Variants in MEMO1 observed in about 807,000 individuals in gnomAD.
MEMO1 encodes mediator of cell motility 1.
In MEMO1, 6 loss-of-function variants were observed where a neutral mutation model predicts 45.2. That is an observed-to-expected ratio of 0.13 (90% CI 0.07 to 0.26). The LOEUF is 0.26. Ranked by LOEUF, MEMO1 falls within the 10% of genes least tolerant of loss-of-function variation. The pLI is 1.00. For synonymous variants in MEMO1, 78 were observed against 124.3 expected (o/e 0.63, Z 2.48); for missense variants, 184 against 370.5 (o/e 0.50, Z 4.13).
chr2:31,974,834 G>A (rs1669814836), intron 2 of MEMO1, among the ~76,000 whole-genome samples: 1 of 152,006 alleles, frequency 6.6e-6, no homozygotes. Context: ...GGGGTACTCT[G>A]CTGATTATTT....
intron 2 of MEMO1, among the ~76,000 whole-genome samples, chr2:32,009,045 G>A (rs1458065228): frequency 6.6e-6 from 1 of 152,168 alleles, no homozygotes; most frequent in Non-Finnish European, 1.5e-5. Context: ...AGGAATCACA[G>A]TAGAACTGTC....
chr2:31,988,938 G>C (rs895924192), intron 2 of MEMO1, among the ~76,000 whole-genome samples: 1 of 151,990 alleles, frequency 6.6e-6, no homozygotes, highest in Non-Finnish European at 1.5e-5. Context: ...CAGGCATGGT[G>C]GCTCACGCCT....
intron 2 of MEMO1, among the ~76,000 whole-genome samples, chr2:32,009,531 G>A (rs908767993): frequency 3.9e-5 from 6 of 152,176 alleles, no homozygotes; most frequent in Non-Finnish European, 7.3e-5. Flanking sequence ...GCAAGACAGC[G>A]GAGCCCCTTA....
chr2:31,968,091 T>C (rs933294752), intron 2 of MEMO1, among the ~76,000 whole-genome samples: 3 of 152,158 alleles, frequency 2.0e-5, no homozygotes, highest in Non-Finnish European at 4.4e-5. Context: ...TCTCAATCTG[T>C]AGGTCAAGAG....
chr2:31,964,048 A>G (rs901916480), intron 2 of MEMO1, among the ~76,000 whole-genome samples: 2 of 152,256 alleles, frequency 1.3e-5, no homozygotes, highest in Non-Finnish European at 2.9e-5. Context: ...TTAAAAAAGT[A>G]TATATGGAAA....
intron 2 of MEMO1, among the ~76,000 whole-genome samples, chr2:31,967,429 T>C: frequency 6.7e-6 from 1 of 148,784 alleles, no homozygotes; most frequent in East Asian, 2.0e-4. Context: ...CGGCCAATAG[T>C]CAGTAACTAT....
chr2:31,887,288 G>A (rs1676321358), intron 7 of MEMO1, among the ~76,000 whole-genome samples: 1 of 151,948 alleles, frequency 6.6e-6, no homozygotes, highest in South Asian at 2.1e-4. Context: ...AAAGGTAAAA[G>A]AACAGTAAAT....
At chr2:31,937,960 G>C in intron 3 of MEMO1, among the ~76,000 whole-genome samples, 1 of 152,190 alleles carries the variant, frequency 6.6e-6, no homozygotes. Flanking sequence ...TGGAAGTCAT[G>C]TAGAAAGGCA....
rs1428510704 is a variant in MEMO1 at position 31,985,557 on chromosome 2, C to G, written c.61+24630G>C. ...GCCAAGTTGGTCGTGAACTCCTGAC[C>G]TCAAGTGATCCAGCCACCTGGGCCT... On this transcript the variant is annotated intron_variant, in intron 2 of 9. Coordinates refer to ENST00000404530, the MANE Select transcript of MEMO1 (RefSeq NM_001301833.4). Among the ~76,000 whole-genome samples, 4 of 152,252 alleles carry G rather than the reference C, an allele frequency of 2.6e-5. 1 individual carries two copies. Among genetic ancestry groups the G allele is most frequent in the Admixed American group, 2.0e-4 (3 of 15,296 alleles).
At chr2:31,983,387 T>C (rs1670888865) in intron 2 of MEMO1, among the ~76,000 whole-genome samples, 1 of 152,234 alleles carries the variant, frequency 6.6e-6, no homozygotes, top group Non-Finnish European at 1.5e-5. Context: ...TTAGAAGCAG[T>C]GATACCCAGT....
chr2:31,977,446 C>T (rs1670134651), intron 2 of MEMO1, among the ~76,000 whole-genome samples: 1 of 152,146 alleles, frequency 6.6e-6, no homozygotes. Context: ...AAAACAACAT[C>T]TTTAATTTTA....
intron 2 of MEMO1, among the ~76,000 whole-genome samples, chr2:31,994,785 C>G (rs946390867): frequency 1.5e-4 from 22 of 150,914 alleles, no homozygotes; most frequent in Middle Eastern, 3.3e-3. Context: ...CTGTCTCTAC[C>G]AAAAATACAA....
intron 2 of MEMO1, among the ~76,000 whole-genome samples, chr2:31,976,525 C>T (rs545105634): frequency 6.6e-6 from 1 of 151,840 alleles, no homozygotes; most frequent in South Asian, 2.1e-4. Context: ...TTGCAGTGAG[C>T]TGAAATCACA....
chr2:31,904,522 G>A (rs1168604085), intron 6 of MEMO1, among the ~76,000 whole-genome samples: 1 of 152,182 alleles, frequency 6.6e-6, no homozygotes, highest in Non-Finnish European at 1.5e-5. Flanking sequence ...GTACACACCT[G>A]TAACTGGATT....
At chr2:31,871,992 C>T (rs531633868) in intron 8 of MEMO1, among the ~76,000 whole-genome samples, 6 of 136,892 alleles carry the variant, frequency 4.4e-5, no homozygotes, top group Admixed American at 7.6e-5. Context: ...CCAGCCTGGG[C>T]GACAGAGCAA....
intron 2 of MEMO1, among the ~76,000 whole-genome samples, chr2:31,953,454 A>ATT (rs148325193): frequency 2.9e-4 from 42 of 143,944 alleles, no homozygotes; most frequent in South Asian, 1.5e-3. Context: ...CTTTCATAAG[A>ATT]TTTTTTTTTT....
At chr2:31,995,391 T>C (rs779546103) in intron 2 of MEMO1, among the ~76,000 whole-genome samples, 10 of 151,990 alleles carry the variant, frequency 6.6e-5, no homozygotes, top group Non-Finnish European at 1.3e-4. Flanking sequence ...GAGGTGGAGG[T>C]TGCAGTGAGC....
chr2:31,959,349 G>A (rs909142723), intron 2 of MEMO1, among the ~76,000 whole-genome samples: 2 of 152,130 alleles, frequency 1.3e-5, no homozygotes, highest in Admixed American at 1.3e-4. Flanking sequence ...TACTTGGGCA[G>A]AGAAGTAAGA....
At chr2:31,896,561 T>C (rs1210241789) in intron 6 of MEMO1, among the ~76,000 whole-genome samples, 2 of 152,318 alleles carry the variant, frequency 1.3e-5, no homozygotes, top group East Asian at 3.9e-4. Context: ...ATTTGCTGAC[T>C]CTTGTTCAAG....
Sources: gnomAD v4.1 joint callset for allele counts (sites outside exome capture counted in the v4.1 genomes callset) on GRCh38, gnomAD v4.1.1 for gene constraint, MANE v1.5 for transcripts, NCBI Gene and HGNC (gene_info 2026-07-23, HGNC 2026-07-21) for gene names.